Variants in ERC2 observed in about 807,000 individuals in gnomAD.
ERC2 encodes ELKS/RAB6-interacting/CAST family member 2, also known as ERC protein 2.
Under a neutral mutation model 114.8 loss-of-function variants are expected in ERC2, and 42 were observed. The observed-to-expected ratio is 0.37, with a 90% CI of 0.29 to 0.47. ERC2 has a LOEUF of 0.47. Among genes scored for constraint, ERC2 ranks in the 20% least tolerant of loss-of-function variants. ERC2 has a pLI of 0.99. For synonymous variants in ERC2, 454 were observed against 425.5 expected, an observed-to-expected ratio of 1.07 and a Z score of -0.82; for missense variants, 939 against 1,150.7, an observed-to-expected ratio of 0.82 and a Z score of 2.66.
At chr3:55,957,664 G>C (rs2068053783) in intron 12 of ERC2, among the ~76,000 whole-genome samples, 1 of 152,214 alleles carries the variant, frequency 6.6e-6, no homozygotes, top group African/African-American at 2.4e-5. Context: ...GGAGTGATGA[G>C]GGGTGTGTGA....
intron 17 of ERC2, among the ~76,000 whole-genome samples, chr3:55,563,305 A>T (rs1008908865): frequency 3.3e-5 from 5 of 150,518 alleles, no homozygotes; most frequent in African/African-American, 1.2e-4. Context: ...AGAATTGGTG[A>T]GTATGCATCC....
intron 11 of ERC2, among the ~76,000 whole-genome samples, chr3:55,990,415 T>C (rs1351703090): frequency 9.9e-5 from 15 of 152,180 alleles, no homozygotes; most frequent in Admixed American, 9.2e-4. Context: ...ACTTGTTTAA[T>C]ACAGAGACAA....
At chr3:56,379,998 G>A (rs545728318) in intron 2 of ERC2, among the ~76,000 whole-genome samples, 1 of 152,224 alleles carries the variant, frequency 6.6e-6, no homozygotes, top group South Asian at 2.1e-4. Context: ...TGTAGGAGCT[G>A]TCCTGTGCAT....
chr3:55,638,659 C>A (rs1369719355), intron 17 of ERC2, among the ~76,000 whole-genome samples: 1 of 152,156 alleles, frequency 6.6e-6, no homozygotes, highest in Non-Finnish European at 1.5e-5. Context: ...CTTGCCCATC[C>A]CCCAAGTAAA....
intron 12 of ERC2, among the ~76,000 whole-genome samples, chr3:55,952,704 C>T (rs534593568): frequency 5.3e-5 from 8 of 152,078 alleles, no homozygotes; most frequent in Non-Finnish European, 1.2e-4. Flanking sequence ...TGCTAAAAGT[C>T]CCCCTGCCCC....
chr3:55,903,878 C>A (rs1341995309), intron 13 of ERC2, among the ~76,000 whole-genome samples: 2 of 152,172 alleles, frequency 1.3e-5, no homozygotes, highest in Non-Finnish European at 2.9e-5. Context: ...AAATGTTGAT[C>A]TTTAGAGAAG....
intron 2 of ERC2, among the ~76,000 whole-genome samples, chr3:56,356,257 C>T (rs1413215345): frequency 1.3e-5 from 2 of 152,164 alleles, no homozygotes; most frequent in African/African-American, 4.8e-5. Context: ...TTCTCAAATA[C>T]AATTTTCCTA....
At chr3:56,404,535 G>A (rs1323327340) in intron 2 of ERC2, among the ~76,000 whole-genome samples, 1 of 152,158 alleles carries the variant, frequency 6.6e-6, no homozygotes, top group African/African-American at 2.4e-5. Context: ...GGTGATTATA[G>A]TCAATAATAA....
chr3:56,418,421 A>G (rs138794429), intron 2 of ERC2, among the ~76,000 whole-genome samples: 49 of 152,266 alleles, frequency 3.2e-4, no homozygotes, highest in African/African-American at 1.2e-3. Context: ...TACTCACTCC[A>G]TACTACAGTC....
At chr3:55,511,952 C>T (rs1033274263) in intron 17 of ERC2, among the ~76,000 whole-genome samples, 2 of 152,216 alleles carry the variant, frequency 1.3e-5, no homozygotes, top group Non-Finnish European at 2.9e-5. Flanking sequence ...TTCTTCCCTG[C>T]TGATGCTCAA....
intron 1 of ERC2, among the ~76,000 whole-genome samples, chr3:56,461,493 G>A (rs1370819856): frequency 4.1e-4 from 63 of 152,260 alleles, no homozygotes; most frequent in Non-Finnish European, 2.9e-5. Flanking sequence ...TCTCACACTG[G>A]AAATCAAATA....
chr3:56,411,258 A>T (rs1024733373), intron 2 of ERC2, among the ~76,000 whole-genome samples: 1 of 151,626 alleles, frequency 6.6e-6, no homozygotes, highest in Non-Finnish European at 1.5e-5. Context: ...GTAAATAACA[A>T]GAAAGATGTC....
chr3:55,697,171 A>C (rs539680799), intron 16 of ERC2, among the ~76,000 whole-genome samples: 7 of 152,350 alleles, frequency 4.6e-5, no homozygotes, highest in Admixed American at 3.9e-4. Context: ...CTCTTCCCCA[A>C]GTGCCACATA....
At chr3:56,108,499 T>A (rs2078788874) in intron 6 of ERC2, among the ~76,000 whole-genome samples, 1 of 152,082 alleles carries the variant, frequency 6.6e-6, no homozygotes, top group Non-Finnish European at 1.5e-5. Context: ...TACAAATATA[T>A]ATACACATAT....
chr3:56,027,653 T>C (rs969808765), intron 7 of ERC2, among the ~76,000 whole-genome samples: 2 of 152,206 alleles, frequency 1.3e-5, no homozygotes, highest in Admixed American at 6.5e-5. Flanking sequence ...TTTTGCCCAT[T>C]TTCTAAGTTT....
chr3:56,131,957 T>A (rs2080227986), intron 6 of ERC2, among the ~76,000 whole-genome samples: 1 of 152,222 alleles, frequency 6.6e-6, no homozygotes, highest in Non-Finnish European at 1.5e-5. Context: ...CATAAATATG[T>A]ACAATTATTA....
intron 2 of ERC2, among the ~76,000 whole-genome samples, chr3:56,337,954 T>G (rs2057925611): frequency 6.6e-6 from 1 of 152,176 alleles, no homozygotes; most frequent in Non-Finnish European, 1.5e-5. Flanking sequence ...CATGGCTACA[T>G]TCAACAAAAG....
chr3:56,448,534 G>A (rs1003637641), intron 1 of ERC2, among the ~76,000 whole-genome samples: 1 of 152,038 alleles, frequency 6.6e-6, no homozygotes, highest in African/African-American at 2.4e-5. Flanking sequence ...CCCCACCTCT[G>A]GCCCAACCAT....
chr3:56,104,615 A>C (rs1322142533), intron 6 of ERC2, among the ~76,000 whole-genome samples: 1 of 143,888 alleles, frequency 6.9e-6, no homozygotes, highest in East Asian at 2.1e-4. Flanking sequence ...CAGGACTAGG[A>C]CACATTCTAG....
Sources: allele counts gnomAD v4.1 joint callset (sites outside exome capture counted in the v4.1 genomes callset), GRCh38; gene constraint gnomAD v4.1.1; transcripts MANE v1.5; gene names NCBI Gene and HGNC (gene_info 2026-07-23, HGNC 2026-07-21).